Variants in SNRPD2 observed in about 807,000 individuals in gnomAD.
SNRPD2 encodes small nuclear ribonucleoprotein D2 polypeptide.
A neutral mutation model predicts 11.5 loss-of-function variants in SNRPD2; 1 was observed. The observed-to-expected ratio is 0.09, with a 90% confidence interval of 0.03 to 0.41. SNRPD2 has a LOEUF of 0.41. SNRPD2 is among the 10% of genes least tolerant of loss of function. The pLI is 0.98. For missense variants in SNRPD2, 77 were observed against 154.9 expected (o/e 0.50, Z 2.67); for synonymous variants, 63 against 61.5 (o/e 1.02, Z -0.12).
In SNRPD2 at chr19:45,688,478, C is replaced by T; in HGVS notation, c.91G>A (p.Val31Met). The T allele has an allele frequency of 1.2e-6, 2 of 1,614,122 alleles. No homozygotes were observed. Among genetic ancestry groups the T allele is most frequent in the Non-Finnish European group, 1.7e-6 (2 of 1,179,966 alleles). ...TTGTTCTTGACTGACTGTGTGAGCA[C>T]AGAGAGTGGACCGGTGTTAAATTCC... ...EEEFNTGPLS[V>M]LTQSVKNNTQ... Residue 31 changes from valine to methionine, a missense_variant, in exon 2 of 3, where the codon GTG becomes ATG. Val to Met is a conservative substitution (Grantham distance 21). Coordinates refer to ENST00000342669, the MANE Select transcript of SNRPD2 (RefSeq NM_001384647.1). This position sits in a 1 kb window ranked among gnomAD's most constrained non-coding sequence, Gnocchi z 4.1.
chr19:45,691,655 GCC>G, intron 1 of SNRPD2: 1 of 595,928 alleles, frequency 1.7e-6, no homozygotes, highest in Non-Finnish European at 3.0e-6. Context: ...ACAGGAATGA[GCC>G]CCCGCGCCCA....
At chr19:45,692,103 G>C, upstream of SNRPD2, 1 of 1,235,512 alleles carries the variant, frequency 8.1e-7, no homozygotes, top group Non-Finnish European at 1.1e-6. Flanking sequence ...CGGCCAGTCA[G>C]AACCACACGG....
Position 45,687,780 on chromosome 19 carries a change from A to G in SNRPD2, c.183-53T>C. 1 of 1,435,392 alleles carries G rather than the reference A, an allele frequency of 7.0e-7. No homozygotes were observed. Among genetic ancestry groups the G allele is most frequent in the South Asian group, 1.2e-5 (1 of 86,564 alleles). 88.9% of individuals were successfully genotyped at this position (1,435,392 alleles called of 1,614,324 possible). A position where few individuals can be genotyped will look rare whatever the true frequency, so the allele number is the denominator to read the frequency against. ...TGGGCGTGAGGGGCGTGCCTCTGAC[A>G]GTGCCCCCTACTGCCTGCTGCTCGC... On this transcript the variant is annotated intron_variant, in intron 2 of 2. Transcript: ENST00000342669. The surrounding 1 kb of genome is among the most constrained non-coding windows in gnomAD (Gnocchi z 4.1).
chr19:45,690,078 T>C (rs1967498521), intron 1 of SNRPD2, among the ~76,000 whole-genome samples: 1 of 150,766 alleles, frequency 6.6e-6, no homozygotes, highest in African/African-American at 2.4e-5. Flanking sequence ...ACGCCTGTAA[T>C]CCCAGCACTT....
In SNRPD2 at chr19:45,688,491, G is replaced by A. The variant is rs141788480; in HGVS notation, c.78C>T (p.Thr26=). Residue 26 remains threonine, a synonymous_variant, in exon 2 of 3, where the codon ACC becomes ACT. Transcript: ENST00000342669. This position sits in a 1 kb window ranked among gnomAD's most constrained non-coding sequence, Gnocchi z 4.1. ...ACTGTGTGAGCACAGAGAGTGGACC[G>A]GTGTTAAATTCCTCCTCCTCTCGCT... ...LQKREEEEFN[T]GPLSVLTQSV... 1.0e-4 allele frequency: 164 copies of A among 1,613,802 alleles called. No homozygotes were observed. In the Admixed American group the frequency reaches 1.8e-3, roughly 17 times the overall value.
chr19:45,687,495 C>T lies in SNRPD2; in HGVS notation c.*58G>A. 11 of 1,475,324 alleles carry T rather than the reference C, an allele frequency of 7.5e-6. No homozygotes were observed. The highest frequency in any genetic ancestry group is 1.0e-5 in the Non-Finnish European group (11 of 1,060,144). The allele number at this position is 1,475,324 out of a possible 1,614,324, so 91.4% of individuals were successfully genotyped here. A position where few individuals can be genotyped will look rare whatever the true frequency, so the allele number is the denominator to read the frequency against. On this transcript the variant is annotated 3_prime_UTR_variant, in exon 3 of 3. Transcript: ENST00000342669. This position sits in a 1 kb window ranked among gnomAD's most constrained non-coding sequence, Gnocchi z 4.1. ...CACAGAGCTTTATTATTCTCAACAC[C>T]AATGGCAGCGGTCTTCATAGGACAG...
At chr19:45,689,126 G>C (rs191280579) in intron 1 of SNRPD2, 1 of 499,764 alleles carries the variant, frequency 2.0e-6, no homozygotes, top group Non-Finnish European at 4.0e-6. Context: ...CTGCTTTGAT[G>C]GTAACTCCAT....
In SNRPD2 at chr19:45,691,941, T is replaced by G. The variant is rs1204965791; in HGVS notation, c.-53A>C. 1.9e-5 allele frequency: 30 copies of G among 1,613,878 alleles called. No individual in the cohort carries two copies. Among genetic ancestry groups the G allele is most frequent in the Non-Finnish European group, 2.3e-5 (27 of 1,179,874 alleles). On this transcript the variant is annotated 5_prime_UTR_variant, in exon 1 of 3. Transcript: ENST00000342669. ...CCGTTTCCTCCGCGTTGCTGCTGCCTGAGGAGAGAGAGGCGGGACTTCCTC... is the reference window on the plus strand; with the variant it reads ...CCGTTTCCTCCGCGTTGCTGCTGCCGGAGGAGAGAGAGGCGGGACTTCCTC...
Position 45,687,575 on chromosome 19 carries a change from T to C in SNRPD2, c.335A>G (p.Asn112Ser). ...RGDSVIVVLRNPLIAGK is the reference protein window; with the variant it reads ...RGDSVIVVLRSPLIAGK ...CCCCTACTTGCCGGCGATGAGCGGG[T>C]TCCGCAGGACCACGATGACTGAGTC... Residue 112 changes from asparagine (N) to serine (S), a missense_variant, in exon 3 of 3, where the codon AAC (asparagine) becomes AGC (serine). Asn to Ser is a conservative substitution (Grantham distance 46). Coordinates refer to ENST00000342669, the MANE Select transcript of SNRPD2 (RefSeq NM_001384647.1). The surrounding 1 kb of genome is among the most constrained non-coding windows in gnomAD (Gnocchi z 4.1). The C allele has an allele frequency of 1.9e-6, 3 of 1,614,114 alleles. No homozygotes were observed. The highest frequency in any genetic ancestry group is 2.5e-6 in the Non-Finnish European group (3 of 1,179,996).
At chr19:45,691,488 A>C (rs1967548722) in intron 1 of SNRPD2, 1 of 210,610 alleles carries the variant, frequency 4.7e-6, no homozygotes, top group African/African-American at 2.3e-5. Flanking sequence ...AGGACTAATT[A>C]TCTAGGACCA....
chr19:45,691,977 C>A, upstream of SNRPD2: 1 of 1,612,968 alleles, frequency 6.2e-7, no homozygotes, highest in Non-Finnish European at 8.5e-7. Context: ...TTCCTGCGAC[C>A]CACTTCCGTT....
intron 1 of SNRPD2, among the ~76,000 whole-genome samples, chr19:45,689,637 G>A (rs1319372137): frequency 6.6e-6 from 1 of 152,340 alleles, no homozygotes; most frequent in South Asian, 2.1e-4. Context: ...CTTGAACTCA[G>A]AGAGTCGGAG....
chr19:45,688,616 G>C lies in SNRPD2; in HGVS notation c.3-50C>G, dbSNP rs1322055922. ...TAAGTGAGAGAGGCTGGAGTTGAGA[G>C]GCTGGAGCTGTGAGGATGGGTGATC... On this transcript the variant is annotated intron_variant, in intron 1 of 2. Transcript: ENST00000342669. This position sits in a 1 kb window ranked among gnomAD's most constrained non-coding sequence, Gnocchi z 4.1. 2 of 1,490,260 alleles carry C rather than the reference G, an allele frequency of 1.3e-6. No homozygotes were observed. The highest frequency in any genetic ancestry group is 1.9e-6 in the Non-Finnish European group (2 of 1,070,108). The allele number at this position is 1,490,260 out of a possible 1,614,324, so 92.3% of individuals were successfully genotyped here.
At chr19:45,691,994 T>A, upstream of SNRPD2, 2 of 1,610,982 alleles carry the variant, frequency 1.2e-6, no homozygotes, top group Non-Finnish European at 1.7e-6. Flanking sequence ...CGTTGGCGCC[T>A]GCGCAAAGCC....
upstream of SNRPD2, chr19:45,691,974 G>T: frequency 6.2e-7 from 1 of 1,612,982 alleles, no homozygotes; most frequent in South Asian, 1.1e-5. Context: ...CTCTTCCTGC[G>T]ACCCACTTCC....
At chr19:45,689,127 G>A (rs1446916086) in intron 1 of SNRPD2, 1 of 500,518 alleles carries the variant, frequency 2.0e-6, no homozygotes, top group Non-Finnish European at 4.0e-6. Context: ...TGCTTTGATG[G>A]TAACTCCATC....
At chr19:45,691,749 T>C in intron 1 of SNRPD2, 138 bp downstream of exon 1, 1 of 1,095,902 alleles carries the variant, frequency 9.1e-7, no homozygotes, top group East Asian at 2.4e-5. Flanking sequence ...CTCAAACTCA[T>C]CAGGAGAAAA....
At position 45,687,839 on chromosome 19, in the gene SNRPD2, G is replaced by A. The variant is rs916323397; in HGVS notation, c.183-112C>T. 3 of 877,334 alleles carry A rather than the reference G, an allele frequency of 3.4e-6. No homozygotes were observed. The highest frequency in any genetic ancestry group is 4.2e-5 in the Admixed American group (2 of 47,246). The allele number at this position is 877,334 out of a possible 1,614,324, so 54.3% of individuals were successfully genotyped here. A position where few individuals can be genotyped will look rare whatever the true frequency, so the allele number is the denominator to read the frequency against. On this transcript the variant is annotated intron_variant, in intron 2 of 2. Transcript: ENST00000342669. The surrounding 1 kb of genome is among the most constrained non-coding windows in gnomAD (Gnocchi z 4.1). ...GCAGCATGGCTTGGGGAAGGGTGCA[G>A]GTGCTAGGCCGGGATGACCAAGCTG...
rs745564897 is a variant in SNRPD2, at chr19:45,691,881, C to T, written c.2+6G>A. On this transcript the variant is annotated splice_donor_region_variant and intron_variant, in intron 1 of 2. Transcript: ENST00000342669. ...TTCCCGCCGCCTAAGCCTAGCCCGGCCTCACATGATGGTCACTACGCTCTC... is the reference window on the plus strand; with the variant it reads ...TTCCCGCCGCCTAAGCCTAGCCCGGTCTCACATGATGGTCACTACGCTCTC... 1.9e-6 allele frequency: 3 copies of T among 1,614,152 alleles called. No individual in the cohort carries two copies. The highest frequency in any genetic ancestry group is 2.2e-5 in the South Asian group (2 of 91,074).
Sources: gnomAD v4.1 joint callset for allele counts (sites outside exome capture counted in the v4.1 genomes callset) on GRCh38, gnomAD v4.1.1 for gene constraint, Gnocchi (gnomAD v3.1) non-coding constraint, MANE v1.5 for transcripts, NCBI Gene and HGNC (gene_info 2026-07-23, HGNC 2026-07-21) for gene names.